The following GAS2L2 variants were observed in gnomAD, a reference collection of about 807,000 sequenced individuals.
GAS2L2 encodes growth arrest specific 2 like 2.
GAS2L2 carries 21 observed loss-of-function variants against 35.2 expected under a neutral mutation model. The ratio of observed to expected loss-of-function variants is 0.60; its 90% CI spans 0.42 to 0.86. The LOEUF (loss-of-function observed/expected upper bound fraction) is 0.86. Among genes scored for constraint, GAS2L2 ranks in the 40% least tolerant of loss-of-function variants. GAS2L2 has a pLI of 0.00. For synonymous variants in GAS2L2, 490 were observed against 473.2 expected, an observed-to-expected ratio of 1.04 and a Z score of -0.46; for missense variants, 1,169 against 1,144.4, an observed-to-expected ratio of 1.02 and a Z score of -0.31.
In GAS2L2 at chr17:35,745,639, C is replaced by G; in HGVS notation, c.1858G>C (p.Ala620Pro). 1 of 1,613,958 alleles carries G rather than the reference C, an allele frequency of 6.2e-7. No homozygotes were observed. Among genetic ancestry groups the G allele is most frequent in the Non-Finnish European group, 8.5e-7 (1 of 1,180,044 alleles). ...CCAGACCTTGTGCCCTGCGGACAGGCACTCCTGACTTCTAGCAGCTTCATG... is the reference window on the plus strand; with the variant it reads ...CCAGACCTTGTGCCCTGCGGACAGGGACTCCTGACTTCTAGCAGCTTCATG... ...GNMKLLEVRS[A>P]CPQGTRSGVI... is the part of the protein sequence containing the mutation. Residue 620 changes from alanine to proline, a missense_variant, in exon 6 of 6, where the codon GCC becomes CCC. Coordinates refer to ENST00000604641, the MANE Select transcript of GAS2L2 (RefSeq NM_139285.4).
chr17:35,745,628 C>T lies in GAS2L2; in HGVS notation c.1869G>A (p.Gln623=), dbSNP rs1568099620. 1 of 1,613,832 alleles carries T rather than the reference C, an allele frequency of 6.2e-7. No individual in the cohort carries two copies. Among genetic ancestry groups the T allele is most frequent in the Non-Finnish European group, 8.5e-7 (1 of 1,180,040 alleles). ...KLLEVRSACP[Q]GTRSGVIPRS... is the part of the protein sequence containing the mutation. The stretch of plus-strand genomic sequence containing the variant: ...GAGGGATGACCCCAGACCTTGTGCC[C>T]TGCGGACAGGCACTCCTGACTTCTA... The change falls in exon 6 of 6, where the codon CAG becomes CAA. Residue 623 remains glutamine (Q), a synonymous_variant. Coordinates refer to ENST00000604641, the MANE Select transcript of GAS2L2 (RefSeq NM_139285.4).
At position 35,744,842 on chromosome 17, in the gene GAS2L2, C is replaced by T. The variant is rs376864696; in HGVS notation, c.*12G>A. On this transcript the variant is annotated 3_prime_UTR_variant, in exon 6 of 6. Transcript: ENST00000604641. ...CTTTTTGCTTCCCTCCTACCCAACA[C>T]GCTCATGTGCCTCAGACCCAGGACT... 1.8e-4 allele frequency: 285 copies of T among 1,556,848 alleles called. No homozygotes were observed. The highest frequency in any genetic ancestry group is 2.3e-4 in the Non-Finnish European group (263 of 1,147,730).
chr17:35,746,472 TGTG>T, intron 5 of GAS2L2, 61 bp from the exon 6 acceptor site: 2 of 1,145,562 alleles, frequency 1.7e-6, no homozygotes, highest in African/African-American at 3.2e-5. Context: ...GGTCATCTAG[TGTG>T]GTCCCTGGCT....
Position 35,747,279 on chromosome 17 carries a change from T to TC in GAS2L2, c.833-12dup. On this transcript the variant is annotated splice_polypyrimidine_tract_variant and intron_variant, in intron 4 of 5. Transcript: ENST00000604641. ...TGCCTGGCTTGTGTGCTACCAACAG[T>TC]CCCCCGGAGAAAGGAGAGGAGAGAA... 2 of 1,598,084 alleles carry TC rather than the reference T, an allele frequency of 1.3e-6. No homozygotes were observed. Among genetic ancestry groups the TC allele is most frequent in the Non-Finnish European group, 1.7e-6 (2 of 1,170,822 alleles).
intron 3 of GAS2L2, among the ~76,000 whole-genome samples, chr17:35,748,246 G>A (rs1598395325): frequency 6.6e-6 from 1 of 152,350 alleles, no homozygotes; most frequent in South Asian, 2.1e-4. Flanking sequence ...GTACATGCCT[G>A]TACCCAAAAC....
At chr17:35,751,540 C>A (rs929048617) in intron 1 of GAS2L2, among the ~76,000 whole-genome samples, 2 of 151,820 alleles carry the variant, frequency 1.3e-5, no homozygotes, top group Admixed American at 1.3e-4. Context: ...TGGTGGCGGG[C>A]GCCTGTAATC....
In GAS2L2 at chr17:35,745,770, C is replaced by T; in HGVS notation, c.1727G>A (p.Trp576Ter). Residue 576 changes from tryptophan (W) to a stop codon, truncating the protein, a stop_gained, in exon 6 of 6, where the codon TGG becomes TAG. Transcript: ENST00000604641. LOFTEE classifies it low-confidence loss of function (END_TRUNC). ...IQVMAEARES[W>*]DLGLQEQEGR... ...CTCCTGCTCCTGTAGGCCCAGGTCC[C>T]AGGACTCTCTGGCCTCTGCCATGAC... 1 of 1,613,826 alleles carries T rather than the reference C, an allele frequency of 6.2e-7. No individual in the cohort carries two copies. The highest frequency in any genetic ancestry group is 8.5e-7 in the Non-Finnish European group (1 of 1,180,044).
In GAS2L2 at chr17:35,746,204, G is replaced by T; in HGVS notation, c.1293C>A (p.Asp431Glu). The change falls in exon 6 of 6, where the codon GAC becomes GAA. Residue 431 changes from aspartate to glutamate, a missense_variant. By Grantham distance (45) the Asp-to-Glu change is conservative (BLOSUM62 2). This residue lies in a region of GAS2L2 where 1,035 missense variants were observed against 976.5 expected (regional missense o/e 1.06). Coordinates refer to ENST00000604641, the MANE Select transcript of GAS2L2 (RefSeq NM_139285.4). ...GTCTTTGTGGGGTGGGGTTCCCGGC[G>T]TCGGTTCCCCAGCTGTCTGTTTCTT... Reference protein sequence around the residue: ...VHEETDSWGTDAGNPTPQRLR... With the variant: ...VHEETDSWGTEAGNPTPQRLR... 1 of 1,481,664 alleles carries T rather than the reference G, an allele frequency of 6.7e-7. No homozygotes were observed. Among genetic ancestry groups the T allele is most frequent in the East Asian group, 2.3e-5 (1 of 43,388 alleles). The allele number at this position is 1,481,664 out of a possible 1,614,324, so 91.8% of individuals were successfully genotyped here. A position where few individuals can be genotyped will look rare whatever the true frequency, so the allele number is the denominator to read the frequency against.
In GAS2L2 at chr17:35,752,853, C is replaced by G. The variant is rs954571401; in HGVS notation, c.-3G>C. ...CTGCCTCCCGCAGGCTGGGACATGG[C>G]TGGACCCCAGCAGGGCAGGAGGTGG... On this transcript the variant is annotated 5_prime_UTR_variant, in exon 1 of 6. Coordinates refer to ENST00000604641, the MANE Select transcript of GAS2L2 (RefSeq NM_139285.4). 2.5e-6 allele frequency: 4 copies of G among 1,588,816 alleles called. No homozygotes were observed. Among genetic ancestry groups the G allele is most frequent in the Admixed American group, 3.4e-5 (2 of 59,348 alleles).
At position 35,750,266 on chromosome 17, in the gene GAS2L2, G is replaced by A; in HGVS notation, c.438C>T (p.Asn146=). The change falls in exon 2 of 6, where the codon AAC becomes AAT. Residue 146 remains asparagine, a synonymous_variant. Transcript: ENST00000604641. ...EDLVLRKNVK[N]VVLCLLELGR... ...CCAGCTCCAGCAAACACAGCACCAC[G>A]TTCTTCACGTTCTTGCGCAGCACCA... The A allele has an allele frequency of 6.2e-7, 1 of 1,613,548 alleles. No individual in the cohort carries two copies. Among genetic ancestry groups the A allele is most frequent in the Non-Finnish European group, 8.5e-7 (1 of 1,179,560 alleles).
In GAS2L2 at chr17:35,745,115, T is replaced by G; in HGVS notation, c.2382A>C (p.Arg794=). The G allele has an allele frequency of 1.2e-6, 2 of 1,613,334 alleles. No homozygotes were observed. Among genetic ancestry groups the G allele is most frequent in the Non-Finnish European group, 1.7e-6 (2 of 1,179,582 alleles). The change falls in exon 6 of 6, where the codon CGA becomes CGC. Residue 794 remains arginine (R), a synonymous_variant. Transcript: ENST00000604641. ...RDHRPEKQPS[R]IPRPLAYVFL... ...AGACATAGGCCAGTGGCCTGGGGAT[T>G]CGTGAAGGCTGCTTCTCAGGCCTGT...
Position 35,750,198 on chromosome 17 carries a change from A to T in GAS2L2, c.506T>A (p.Val169Glu). ...WRFGVAAPTL[V>E]QLEEEIEEEV... ...CTCCTCGATCTCCTCCTCCAGCTGCACGAGTGTGGGCGCCGCAACACCAAA... is the reference window on the plus strand; with the variant it reads ...CTCCTCGATCTCCTCCTCCAGCTGCTCGAGTGTGGGCGCCGCAACACCAAA... The change falls in exon 2 of 6, where the codon GTG becomes GAG. Residue 169 changes from valine to glutamate, a missense_variant. By Grantham distance (121) the Val-to-Glu change is moderately radical (BLOSUM62 -2). Around this residue, in one of 3 missense-constraint regions of GAS2L2, gnomAD observed 1,035 missense variants for 976.5 expected, o/e 1.06. Coordinates refer to ENST00000604641, the MANE Select transcript of GAS2L2 (RefSeq NM_139285.4). 1 of 1,613,418 alleles carries T rather than the reference A, an allele frequency of 6.2e-7. No homozygotes were observed. The highest frequency in any genetic ancestry group is 8.5e-7 in the Non-Finnish European group (1 of 1,179,706).
rs1253337161 is a variant in GAS2L2, at chr17:35,750,230, C to T, written c.474G>A (p.Ala158=). The T allele has an allele frequency of 1.9e-6, 3 of 1,613,878 alleles. No homozygotes were observed. Among genetic ancestry groups the T allele is most frequent in the East Asian group, 2.2e-5 (1 of 44,852 alleles). The change falls in exon 2 of 6, where the codon GCG becomes GCA. Residue 158 remains alanine (A), a synonymous_variant. Coordinates refer to ENST00000604641, the MANE Select transcript of GAS2L2 (RefSeq NM_139285.4). ...VLCLLELGRR[A]WRFGVAAPTL... is the part of the protein sequence containing the mutation. ...TGGGCGCCGCAACACCAAAGCGCCA[C>T]GCCCGGCGGCCCAGCTCCAGCAAAC...
chr17:35,750,144 G>T lies in GAS2L2; in HGVS notation c.560C>A (p.Pro187Gln). 6.2e-7 allele frequency: 1 copy of T among 1,607,320 alleles called. No individual in the cohort carries two copies. Among genetic ancestry groups the T allele is most frequent in the Non-Finnish European group, 8.5e-7 (1 of 1,177,678 alleles). The part of the protein sequence containing the change: ...EEVRRELALP[P>Q]PDPSPPAPPR... The stretch of plus-strand genomic sequence containing the variant: ...GGGCGCTGGCGGCGAGGGGTCGGGC[G>T]GGGGCAGGGCCAGCTCCCGCCGCAC... The change falls in exon 2 of 6, where the codon CCG (proline) becomes CAG (glutamine). Residue 187 changes from proline to glutamine, a missense_variant. Physicochemically the swap from Pro to Gln is moderately conservative, Grantham distance 76. Around this residue, in one of 3 missense-constraint regions of GAS2L2, gnomAD observed 1,035 missense variants for 976.5 expected, o/e 1.06. Transcript: ENST00000604641.
intron 2 of GAS2L2, among the ~76,000 whole-genome samples, chr17:35,749,438 C>T (rs781954583): frequency 3.9e-4 from 59 of 152,328 alleles, no homozygotes; most frequent in African/African-American, 1.4e-3. Context: ...CTGATGGAAG[C>T]GGCAGAGTGC....
At chr17:35,751,361 C>G (rs782223162) in intron 1 of GAS2L2, among the ~76,000 whole-genome samples, 9 of 152,100 alleles carry the variant, frequency 5.9e-5, no homozygotes, top group African/African-American at 2.2e-4. Context: ...CCATAAACTT[C>G]TATTTATCCC....
rs2085712975 is a variant in GAS2L2 at position 35,752,857 on chromosome 17, AC to A, written c.-8del. 30 of 1,583,822 alleles carry A rather than the reference AC, an allele frequency of 1.9e-5. No homozygotes were observed. Among genetic ancestry groups the A allele is most frequent in the Non-Finnish European group, 2.5e-5 (29 of 1,161,278 alleles). On this transcript the variant is annotated 5_prime_UTR_variant, in exon 1 of 6. Coordinates refer to ENST00000604641, the MANE Select transcript of GAS2L2 (RefSeq NM_139285.4). ...CTCCCGCAGGCTGGGACATGGCTGG[AC>A]CCCAGCAGGGCAGGAGGTGGGCACC...
In GAS2L2 at chr17:35,752,626, A is replaced by C; in HGVS notation, c.225T>G (p.Ala75=). 6.2e-7 allele frequency: 1 copy of C among 1,613,684 alleles called. No individual in the cohort carries two copies. The highest frequency in any genetic ancestry group is 8.5e-7 in the Non-Finnish European group (1 of 1,179,572). ...GTGCCTCAGCCAGGAAGGCCAGGGC[A>C]GCGTCAGTGACAACGTTGGCGTGTT... ...LCQHANVVTD[A]ALAFLAEAPA... Residue 75 remains alanine (A), a synonymous_variant, in exon 1 of 6, where the codon GCT becomes GCG. Coordinates refer to ENST00000604641, the MANE Select transcript of GAS2L2 (RefSeq NM_139285.4).
rs892047259 is a variant in GAS2L2, at chr17:35,749,096, C to T, written c.735+14G>A. On this transcript the variant is annotated intron_variant, in intron 3 of 5. Coordinates refer to ENST00000604641, the MANE Select transcript of GAS2L2 (RefSeq NM_139285.4). ...CCTATTCTGGGGGTCCCTTGACCCC[C>T]AGCCTGGACTTACCCGGATGAAGAT... 3.0e-5 allele frequency: 47 copies of T among 1,580,460 alleles called. No individual in the cohort carries two copies. Among genetic ancestry groups the T allele is most frequent in the Non-Finnish European group, 3.9e-5 (45 of 1,150,574 alleles).
Sources: gnomAD v4.1 joint callset for allele counts (sites outside exome capture counted in the v4.1 genomes callset) on GRCh38, gnomAD v4.1.1 for gene constraint, gnomAD v4.1.1 regional missense constraint, MANE v1.5 for transcripts, NCBI Gene and HGNC (gene_info 2026-07-23, HGNC 2026-07-21) for gene names.